CLSTN2: variants seen among roughly 807,000 people sequenced by gnomAD.
CLSTN2 encodes calsyntenin 2.
CLSTN2 carries 48 observed loss-of-function variants against 101.2 expected under a neutral mutation model. The observed-to-expected ratio is 0.47, with a 90% confidence interval of 0.38 to 0.60. CLSTN2 has a LOEUF of 0.60. Ranked by LOEUF, CLSTN2 falls within the 20% of genes least tolerant of loss-of-function variation. The probability of loss-of-function intolerance (pLI) is 0.00; values close to 1 mark genes in which losing one functional copy is unlikely to be tolerated. For synonymous variants in CLSTN2, 481 were observed against 463.6 expected (o/e 1.04, Z -0.48); for missense variants, 1,160 against 1,238.2 (o/e 0.94, Z 0.95).
chr3:140,439,759 A>G (rs2088739471), intron 5 of CLSTN2, among the ~76,000 whole-genome samples: 1 of 152,218 alleles, frequency 6.6e-6, no homozygotes, highest in African/African-American at 2.4e-5. Flanking sequence ...ACACGCACAC[A>G]CACACACACA....
chr3:140,056,575 A>T (rs570734272), intron 1 of CLSTN2, among the ~76,000 whole-genome samples: 2 of 152,278 alleles, frequency 1.3e-5, no homozygotes, highest in East Asian at 3.9e-4. Context: ...CCAAAACATG[A>T]ACTGAAGGAT....
intron 1 of CLSTN2, among the ~76,000 whole-genome samples, chr3:140,111,112 C>G (rs2009148991): frequency 6.6e-6 from 1 of 152,192 alleles, no homozygotes; most frequent in African/African-American, 2.4e-5. Context: ...CTTGAGGTCA[C>G]TGCTATTCCA....
At chr3:140,072,758 A>G (rs2008417559) in intron 1 of CLSTN2, among the ~76,000 whole-genome samples, 2 of 152,218 alleles carry the variant, frequency 1.3e-5, no homozygotes, top group South Asian at 2.1e-4. Context: ...TTTGAAGATA[A>G]GGGTAGCATT....
At chr3:140,397,674 A>G (rs2088197513) in intron 2 of CLSTN2, among the ~76,000 whole-genome samples, 1 of 152,196 alleles carries the variant, frequency 6.6e-6, no homozygotes, top group African/African-American at 2.4e-5. Context: ...TAAGAGCACA[A>G]ATCATGACCT....
At chr3:140,424,360 T>C (rs2088539147) in intron 5 of CLSTN2, among the ~76,000 whole-genome samples, 1 of 152,250 alleles carries the variant, frequency 6.6e-6, no homozygotes, top group African/African-American at 2.4e-5. Flanking sequence ...CTAGCATTCC[T>C]GTCCCAGCTC....
At chr3:140,539,499 T>G (rs1935425991) in intron 9 of CLSTN2, among the ~76,000 whole-genome samples, 1 of 152,174 alleles carries the variant, frequency 6.6e-6, no homozygotes, top group African/African-American at 2.4e-5. Context: ...ATGTTATTAA[T>G]TAGAAGATTT....
At chr3:140,066,886 G>A (rs2008308277) in intron 1 of CLSTN2, among the ~76,000 whole-genome samples, 1 of 152,194 alleles carries the variant, frequency 6.6e-6, no homozygotes, top group South Asian at 2.1e-4. Context: ...TGGACCAGTT[G>A]TCTGTGGCAC....
At chr3:140,253,291 C>T (rs73870715) in intron 2 of CLSTN2, among the ~76,000 whole-genome samples, 9,209 of 152,078 alleles carry the variant, frequency 0.061, 655 homozygotes, top group African/African-American at 0.17. Context: ...GGTCCTGCTG[C>T]GGTCACTGCC....
intron 2 of CLSTN2, among the ~76,000 whole-genome samples, chr3:140,375,076 C>T (rs773927279): frequency 2.0e-5 from 3 of 152,084 alleles, no homozygotes; most frequent in Non-Finnish European, 4.4e-5. Context: ...TATGGATGGA[C>T]AATGCTCTTT....
intron 2 of CLSTN2, among the ~76,000 whole-genome samples, chr3:140,388,844 A>G (rs1181412939): frequency 6.6e-6 from 1 of 152,226 alleles, no homozygotes; most frequent in Non-Finnish European, 1.5e-5. Context: ...CATTAATGTT[A>G]GCTGTAGGTT....
intron 1 of CLSTN2, among the ~76,000 whole-genome samples, chr3:140,008,367 G>A (rs1417652948): frequency 2.0e-5 from 3 of 152,210 alleles, no homozygotes; most frequent in East Asian, 3.9e-4. Flanking sequence ...CAAGGCTCAG[G>A]TCGCCTCTGC....
chr3:140,392,692 T>C (rs1430321989), intron 2 of CLSTN2, among the ~76,000 whole-genome samples: 2 of 152,128 alleles, frequency 1.3e-5, no homozygotes, highest in South Asian at 4.1e-4. Context: ...TTTCAATTTG[T>C]GCCTAAGTTC....
At chr3:140,232,361 C>T (rs535081518) in intron 2 of CLSTN2, among the ~76,000 whole-genome samples, 31 of 152,098 alleles carry the variant, frequency 2.0e-4, no homozygotes, top group Non-Finnish European at 3.5e-4. Context: ...TGAATGTTAG[C>T]CACTCTCTCC....
chr3:140,315,328 T>G (rs115486280), intron 2 of CLSTN2, among the ~76,000 whole-genome samples: 2,317 of 152,300 alleles, frequency 0.015, 61 homozygotes, highest in African/African-American at 0.051. Context: ...TCACGAATCC[T>G]GTAATTGGGA....
chr3:140,332,560 G>T (rs1418327930), intron 2 of CLSTN2, among the ~76,000 whole-genome samples: 1 of 152,262 alleles, frequency 6.6e-6, no homozygotes, highest in East Asian at 1.9e-4. Context: ...TGTCTGTAAT[G>T]AGTGGACGAG....
chr3:140,309,000 T>A (rs2087139344), intron 2 of CLSTN2, among the ~76,000 whole-genome samples: 1 of 152,220 alleles, frequency 6.6e-6, no homozygotes, highest in South Asian at 2.1e-4. Context: ...CTTTAAGCCA[T>A]GGTTTCATCA....
At chr3:140,522,759 CTTA>C (rs1322085321) in intron 8 of CLSTN2, among the ~76,000 whole-genome samples, 4 of 152,138 alleles carry the variant, frequency 2.6e-5, no homozygotes, top group Non-Finnish European at 4.4e-5. Flanking sequence ...TTATATTTAA[CTTA>C]TTGATTTATT....
At chr3:140,563,014 C>T in intron 14 of CLSTN2, 58 bp downstream of exon 14, 2 of 1,611,552 alleles carry the variant, frequency 1.2e-6, no homozygotes, top group South Asian at 2.2e-5. Context: ...CTCATTCATT[C>T]AGAAATGCTG....
At chr3:140,500,164 A>G (rs1319806750) in intron 8 of CLSTN2, among the ~76,000 whole-genome samples, 3 of 152,182 alleles carry the variant, frequency 2.0e-5, no homozygotes, top group Non-Finnish European at 4.4e-5. Flanking sequence ...TCAGAAATTC[A>G]GAGTCAGCTT....
Sources: allele counts gnomAD v4.1 joint callset (sites outside exome capture counted in the v4.1 genomes callset), GRCh38; gene constraint gnomAD v4.1.1; transcripts MANE v1.5; gene names NCBI Gene and HGNC (gene_info 2026-07-23, HGNC 2026-07-21).